Variants in PSKH2 observed in about 807,000 individuals in gnomAD.
PSKH2 encodes serine/threonine-protein kinase H2.
PSKH2 carries 16 observed loss-of-function variants against 22.5 expected under a neutral mutation model. The observed-to-expected ratio is 0.71, with a 90% CI of 0.48 to 1.08. The LOEUF (loss-of-function observed/expected upper bound fraction) is 1.08. Ranked by LOEUF, PSKH2 falls within the 50% of genes least tolerant of loss-of-function variation. The pLI is 0.00. For synonymous variants in PSKH2, 188 were observed against 184.8 expected, an observed-to-expected ratio of 1.02 and a Z score of -0.14; for missense variants, 516 against 492.8, an observed-to-expected ratio of 1.05 and a Z score of -0.44.
At chr8:86,058,278 AG>A (rs1346776760) in intron 2 of PSKH2, among the ~76,000 whole-genome samples, 1 of 152,228 alleles carries the variant, frequency 6.6e-6, no homozygotes, top group African/African-American at 2.4e-5. Flanking sequence ...AACTAGAAAA[AG>A]GAACTCCTAT....
At chr8:86,056,714 T>A (rs1202264595) in intron 2 of PSKH2, among the ~76,000 whole-genome samples, 1 of 152,170 alleles carries the variant, frequency 6.6e-6, no homozygotes, top group Non-Finnish European at 1.5e-5. Context: ...ATGAAAATAG[T>A]CTCAGCACCT....
upstream of PSKH2, chr8:86,069,715 G>C: frequency 7.4e-7 from 1 of 1,355,690 alleles, no homozygotes; most frequent in Non-Finnish European, 9.6e-7. Context: ...GCTGCGAGGG[G>C]CGGGACCCTC....
Position 86,047,962 on chromosome 8 carries a change from A to G in PSKH2, c.*500T>C, listed in dbSNP as rs1817551067. Among the ~76,000 whole-genome samples, 1 of 152,152 alleles carries G rather than the reference A, an allele frequency of 6.6e-6. No individual in the cohort carries two copies. The highest frequency in any genetic ancestry group is 1.5e-5 in the Non-Finnish European group (1 of 67,986). The stretch of plus-strand genomic sequence containing the variant: ...CTTATAGTTCTTTATAGGCCCCATA[A>G]TTAATAATTTTTCATAAATATTTGC... On this transcript the variant is annotated 3_prime_UTR_variant, in exon 3 of 3. Transcript: ENST00000276616.
intron 2 of PSKH2, among the ~76,000 whole-genome samples, chr8:86,049,665 GAGTGAGAAAGAAGAAAGA>G (rs1817584054): frequency 7.1e-6 from 1 of 140,356 alleles, no homozygotes; most frequent in African/African-American, 2.7e-5. Flanking sequence ...GAGAGAGAAA[GAGTGAGAAAGAAGAAAGA>G]AAGAAAGAAA....
chr8:86,051,771 G>A (rs1817634199), intron 2 of PSKH2, among the ~76,000 whole-genome samples: 1 of 152,132 alleles, frequency 6.6e-6, no homozygotes, highest in Non-Finnish European at 1.5e-5. Context: ...CAAGGTTTAT[G>A]GAGAGCTTAT....
chr8:86,066,572 A>G (rs1817862456), intron 1 of PSKH2: 1 of 152,144 alleles, frequency 6.6e-6, no homozygotes, highest in Non-Finnish European at 1.5e-5. Context: ...GTACCCAGGG[A>G]GAAGGCACGT....
chr8:86,069,873 C>A (rs1204204269), upstream of PSKH2, among the ~76,000 whole-genome samples: 3 of 152,138 alleles, frequency 2.0e-5, no homozygotes, highest in Non-Finnish European at 2.9e-5. Context: ...GCAGAACCTG[C>A]GCCTAATTGT....
At chr8:86,063,424 A>C (rs1187307674) in intron 2 of PSKH2, among the ~76,000 whole-genome samples, 1 of 152,216 alleles carries the variant, frequency 6.6e-6, no homozygotes, top group Admixed American at 6.5e-5. Context: ...TGGGAGTTTC[A>C]AGTTTAATCA....
In PSKH2 at chr8:86,047,572, A is replaced by G. The variant is rs1817544814; in HGVS notation, c.*890T>C. Among the ~76,000 whole-genome samples the G allele has an allele frequency of 6.6e-6, 1 of 152,292 alleles. No individual in the cohort carries two copies. The highest frequency in any genetic ancestry group is 1.9e-4 in the East Asian group (1 of 5,194). On this transcript the variant is annotated 3_prime_UTR_variant, in exon 3 of 3. Transcript: ENST00000276616. ...GAGTGACTCACAGATATGATTAATA[A>G]TATTTCAATCTTTATATCATTTTAC... is the stretch of plus-strand genomic sequence containing the variant.
intron 2 of PSKH2, among the ~76,000 whole-genome samples, chr8:86,054,133 A>G (rs1817669387): frequency 6.6e-6 from 1 of 152,232 alleles, no homozygotes; most frequent in South Asian, 2.1e-4. Flanking sequence ...TGAATTTAAG[A>G]TTGTAATTAA....
chr8:86,069,406 G>A, intron 1 of PSKH2, 32 bp downstream of exon 1: 1 of 1,536,066 alleles, frequency 6.5e-7, no homozygotes, highest in Non-Finnish European at 8.8e-7. Flanking sequence ...TGTCAGCCCA[G>A]TCCCAGGCCA....
At chr8:86,067,956 T>C (rs746882951) in intron 1 of PSKH2, among the ~76,000 whole-genome samples, 5 of 152,212 alleles carry the variant, frequency 3.3e-5, no homozygotes, top group Non-Finnish European at 7.3e-5. Flanking sequence ...TCTACTTCTG[T>C]GATGCCTTTA....
In PSKH2 at chr8:86,061,419, C is replaced by T. The variant is rs145761258; in HGVS notation, c.852+2546G>A. On this transcript the variant is annotated intron_variant, in intron 2 of 2. Coordinates refer to ENST00000276616, the MANE Select transcript of PSKH2 (RefSeq NM_033126.3). The stretch of plus-strand genomic sequence containing the variant: ...TAGTCCAAATATGGCCCAAATGGAC[C>T]GCACCCCCATATCACACTCTGTGTA... 4.3e-3 allele frequency among the ~76,000 whole-genome samples: 658 copies of T among 152,056 alleles called. 7 individuals carry two copies. Among genetic ancestry groups the T allele is most frequent in the South Asian group, 0.025 (122 of 4,810 alleles).
chr8:86,056,765 G>T (rs754254198), intron 2 of PSKH2, among the ~76,000 whole-genome samples: 2 of 152,080 alleles, frequency 1.3e-5, no homozygotes, highest in Non-Finnish European at 2.9e-5. Flanking sequence ...AACCCTTTTA[G>T]GTAGGTACCA....
At chr8:86,062,556 C>T (rs1817795050) in intron 2 of PSKH2, among the ~76,000 whole-genome samples, 3 of 152,024 alleles carry the variant, frequency 2.0e-5, no homozygotes, top group South Asian at 2.1e-4. Context: ...TGATAGTGAG[C>T]GAGTTCTAAC....
chr8:86,069,390 T>C, intron 1 of PSKH2, 48 bp downstream of exon 1: 4 of 1,487,550 alleles, frequency 2.7e-6, no homozygotes, highest in Non-Finnish European at 3.6e-6. Context: ...GCCAGGGGTT[T>C]TTCTTTGTCA....
intron 2 of PSKH2, among the ~76,000 whole-genome samples, chr8:86,059,702 A>G (rs568325299): frequency 6.6e-6 from 1 of 152,372 alleles, no homozygotes; most frequent in East Asian, 1.9e-4. Flanking sequence ...ATTCTCTTTT[A>G]TCACATAAGG....
chr8:86,066,200 CTTT>C (rs71574254), intron 1 of PSKH2, among the ~76,000 whole-genome samples: 2 of 131,454 alleles, frequency 1.5e-5, no homozygotes. Context: ...CGCAGGTCTC[CTTT>C]TTTTTTTTTT....
rs1554583220 is a variant in PSKH2 at position 86,049,741 on chromosome 8, A to AG, written c.853-975dup. On this transcript the variant is annotated intron_variant, in intron 2 of 2. Transcript: ENST00000276616. ...AAGAAAGAAAGAAAGAAAGAAAGAA[A>AG]GAAAGAAACGAAAGAAAGAAAGAAA... 1.9e-3 allele frequency among the ~76,000 whole-genome samples: 65 copies of AG among 34,804 alleles called. 5 individuals carry two copies. In the South Asian group the frequency reaches 0.019, roughly 10 times the overall value. 22.8% of individuals were successfully genotyped at this position (34,804 alleles called of 152,430 possible). A position where few individuals can be genotyped will look rare whatever the true frequency, so the allele number is the denominator to read the frequency against.
Sources: allele counts gnomAD v4.1 joint callset (sites outside exome capture counted in the v4.1 genomes callset), GRCh38; gene constraint gnomAD v4.1.1; transcripts MANE v1.5; gene names NCBI Gene and HGNC (gene_info 2026-07-23, HGNC 2026-07-21).